ABCC8: variants seen among roughly 807,000 people sequenced by gnomAD.
ABCC8 encodes ATP binding cassette subfamily C member 8, also known as ATP-binding cassette sub-family C member 8.
Under a neutral mutation model 188.0 loss-of-function variants are expected in ABCC8, and 137 were observed. The ratio of observed to expected loss-of-function variants is 0.73; its 90% CI spans 0.63 to 0.84. The LOEUF (loss-of-function observed/expected upper bound fraction) is 0.84, where lower values mean the gene tolerates loss of function less well. ABCC8 is among the 40% of genes least tolerant of loss of function. ABCC8 has a pLI of 0.00. For missense variants in ABCC8, 1,750 were observed against 2,072.7 expected (o/e 0.84, Z 3.02); for synonymous variants, 797 against 846.5 (o/e 0.94, Z 1.01).
intron 20 of ABCC8, 32 bp from the exon 21 acceptor site, chr11:17,412,778 C>T (rs1196455304): frequency 1.5e-5 from 24 of 1,588,242 alleles, no homozygotes; most frequent in Non-Finnish European, 2.1e-5. Context: ...ACATCATGCC[C>T]TCAGCCATTC....
Position 17,448,509 on chromosome 11 carries a change from C to T in ABCC8, c.1332+7G>A. The stretch of plus-strand genomic sequence containing the variant: ...CCCCCCTCCCTTCCCCTCAGCCCAT[C>T]TAGTACCTGTACTGGCATAGCCCAG... On this transcript the variant is annotated splice_region_variant and intron_variant, in intron 8 of 38. Transcript: ENST00000389817. 1 of 1,613,778 alleles carries T rather than the reference C, an allele frequency of 6.2e-7. No homozygotes were observed. Among genetic ancestry groups the T allele is most frequent in the Non-Finnish European group, 8.5e-7 (1 of 1,179,756 alleles).
intron 12 of ABCC8, chr11:17,428,889 G>A (rs1564925978): frequency 1.3e-6 from 1 of 756,420 alleles, no homozygotes; most frequent in East Asian, 2.7e-5. Context: ...GCTGGGGTCT[G>A]GATTGGAGGT....
chr11:17,414,666 C>T, intron 18 of ABCC8, 56 bp from the exon 19 acceptor site: 1 of 1,609,220 alleles, frequency 6.2e-7, no homozygotes, highest in Non-Finnish European at 8.5e-7. Flanking sequence ...GGGGCTTGTT[C>T]TCAGAGGCAG....
chr11:17,395,816 T>C (rs532263703), intron 34 of ABCC8, 36 bp downstream of exon 34: 5 of 1,558,514 alleles, frequency 3.2e-6, no homozygotes, highest in Non-Finnish European at 4.3e-6. Flanking sequence ...ATCTGGTGGC[T>C]GTGGGTACAC....
In ABCC8 at chr11:17,412,674, C is replaced by A. The variant is rs1381056397; in HGVS notation, c.2548G>T (p.Val850Phe). Reference protein sequence around the residue: ...ARALYQHANVVFLDDPFSALD... With the variant: ...ARALYQHANVFFLDDPFSALD... ...AGGGAACTTGCACTCACCAAGAAGA[C>A]AACGTTGGCGTGCTGGTAGAGGGCT... Residue 850 changes from valine (V) to phenylalanine (F), a missense_variant, in exon 21 of 39, where the codon GTC becomes TTC. Physicochemically the swap from Val to Phe is conservative, Grantham distance 50. Transcript: ENST00000389817. 5.0e-6 allele frequency: 8 copies of A among 1,611,516 alleles called. No homozygotes were observed. Among genetic ancestry groups the A allele is most frequent in the Admixed American group, 1.7e-5 (1 of 59,816 alleles).
chr11:17,425,691 C>CT (rs932741921), intron 16 of ABCC8, among the ~76,000 whole-genome samples: 8 of 152,092 alleles, frequency 5.3e-5, no homozygotes, highest in South Asian at 2.1e-4. Context: ...TTACATGCAT[C>CT]TTTTTTTATT....
intron 4 of ABCC8, among the ~76,000 whole-genome samples, chr11:17,462,554 C>G (rs1221090034): frequency 6.6e-6 from 1 of 152,224 alleles, no homozygotes; most frequent in Non-Finnish European, 1.5e-5. Flanking sequence ...CTTGGACTCT[C>G]TCCCATAGAA....
At chr11:17,432,443 AC>A (rs1955890911) in intron 10 of ABCC8, 199 bp from the exon 11 acceptor site, 1 of 1,188,744 alleles carries the variant, frequency 8.4e-7, no homozygotes. Context: ...TGTCCCAGGT[AC>A]CCCGGCCCCC....
intron 16 of ABCC8, among the ~76,000 whole-genome samples, chr11:17,420,630 C>T (rs768729075): frequency 1.3e-5 from 2 of 152,190 alleles, no homozygotes; most frequent in African/African-American, 4.8e-5. Flanking sequence ...TCCACACCAA[C>T]CACCACAGGC....
intron 10 of ABCC8, among the ~76,000 whole-genome samples, chr11:17,437,759 G>A (rs1314936220): frequency 1.3e-5 from 2 of 152,196 alleles, no homozygotes; most frequent in Non-Finnish European, 2.9e-5. Context: ...ATATGCATAA[G>A]CAGCCCACTG....
At position 17,397,321 on chromosome 11, in the gene ABCC8, G is replaced by A. The variant is rs759880137; in HGVS notation, c.3868-8C>T. On this transcript the variant is annotated splice_polypyrimidine_tract_variant and splice_region_variant and intron_variant, in intron 31 of 38. Transcript: ENST00000389817. ...GTTGAGGTAGTTGGAGACCTGTGGG[G>A]AGCAAGCCAGTGGCGCACACTCCAT... The A allele has an allele frequency of 6.2e-7, 1 of 1,609,804 alleles. No homozygotes were observed. The highest frequency in any genetic ancestry group is 1.1e-5 in the South Asian group (1 of 91,082).
At chr11:17,466,418 AAGAC>A (rs887876895) in intron 3 of ABCC8, among the ~76,000 whole-genome samples, 1 of 151,454 alleles carries the variant, frequency 6.6e-6, no homozygotes, top group African/African-American at 2.4e-5. Flanking sequence ...AAAAAAAAAA[AAGAC>A]AGTGCATGAT....
chr11:17,428,343 T>C lies in ABCC8; in HGVS notation c.1986A>G (p.Pro662=). ...CTGCACTGGGGACCAGGCTCTGCAG[T>C]GGGCCGGTGAGGCCCCGACAATCCT... ...AREDCRGLTG[P]LQSLVPSADG... The change falls in exon 14 of 39, where the codon CCA becomes CCG. Residue 662 remains proline (P), a synonymous_variant. Coordinates refer to ENST00000389817, the MANE Select transcript of ABCC8 (RefSeq NM_000352.6). The C allele has an allele frequency of 6.2e-7, 1 of 1,614,124 alleles. No individual in the cohort carries two copies. The highest frequency in any genetic ancestry group is 8.5e-7 in the Non-Finnish European group (1 of 1,180,010).
intron 12 of ABCC8, chr11:17,429,965 C>A (rs1459172186): frequency 3.3e-5 from 5 of 152,648 alleles, no homozygotes; most frequent in African/African-American, 1.2e-4. Flanking sequence ...GCTACTCCTT[C>A]CTTCCAGCTT....
Position 17,427,016 on chromosome 11 carries a change from C to T in ABCC8, c.2222+33G>A. On this transcript the variant is annotated intron_variant, in intron 16 of 38. Transcript: ENST00000389817. The surrounding 1 kb of genome is among the most constrained non-coding windows in gnomAD (Gnocchi z 5.0). The stretch of plus-strand genomic sequence containing the variant: ...AGGAGGATGGTTAAAAGGAGATTTC[C>T]CCTCCACTGGGCCCTGAGGATACAT... 3 of 1,609,378 alleles carry T rather than the reference C, an allele frequency of 1.9e-6. No homozygotes were observed. Among genetic ancestry groups the T allele is most frequent in the Non-Finnish European group, 1.7e-6 (2 of 1,177,458 alleles).
chr11:17,426,526 C>T (rs750388665), intron 16 of ABCC8, among the ~76,000 whole-genome samples: 9 of 152,194 alleles, frequency 5.9e-5, no homozygotes, highest in Non-Finnish European at 8.8e-5. Flanking sequence ...TTAATTAAGA[C>T]AGTGATCTTT....
intron 26 of ABCC8, among the ~76,000 whole-genome samples, chr11:17,406,073 C>T (rs1564891573): frequency 6.6e-6 from 1 of 152,246 alleles, no homozygotes; most frequent in Admixed American, 6.5e-5. Context: ...TGAGGTCTAG[C>T]CTCGACAAGG....
chr11:17,460,399 C>T, intron 6 of ABCC8, 89 bp downstream of exon 6: 2 of 1,592,658 alleles, frequency 1.3e-6, no homozygotes, highest in Admixed American at 1.7e-5. Flanking sequence ...CCAGTGTGGC[C>T]ATGGCTCACA....
At chr11:17,414,691 G>A in intron 18 of ABCC8, 81 bp from the exon 19 acceptor site, 2 of 1,600,128 alleles carry the variant, frequency 1.2e-6, no homozygotes, top group Non-Finnish European at 8.5e-7. Context: ...CAAGCTGATG[G>A]CTCAGATGGA....
Sources: allele counts gnomAD v4.1 joint callset (sites outside exome capture counted in the v4.1 genomes callset), GRCh38; gene constraint gnomAD v4.1.1; non-coding constraint Gnocchi (gnomAD v3.1); transcripts MANE v1.5; gene names NCBI Gene and HGNC (gene_info 2026-07-23, HGNC 2026-07-21).